MBOAT2: variants seen among roughly 807,000 people sequenced by gnomAD.
MBOAT2 encodes membrane-bound glycerophospholipid O-acyltransferase 2.
A neutral mutation model predicts 63.4 loss-of-function variants in MBOAT2; 28 were observed. The observed-to-expected ratio is 0.44, with a 90% CI of 0.33 to 0.61. MBOAT2 has a LOEUF of 0.61. MBOAT2 is among the 20% of genes least tolerant of loss of function. The pLI, the probability that MBOAT2 is intolerant of heterozygous loss-of-function variation, is 0.03. For synonymous variants in MBOAT2, 211 were observed against 215.6 expected (o/e 0.98, Z 0.19); for missense variants, 470 against 605.8 (o/e 0.78, Z 2.35).
intron 1 of MBOAT2, among the ~76,000 whole-genome samples, chr2:8,963,250 T>C (rs575322079): frequency 6.7e-6 from 1 of 149,064 alleles, no homozygotes; most frequent in Non-Finnish European, 1.5e-5. Context: ...AAAAAAAAAA[T>C]TGAGGCGGGG....
intron 2 of MBOAT2, among the ~76,000 whole-genome samples, chr2:8,945,648 G>A (rs1417072403): frequency 1.3e-5 from 2 of 152,114 alleles, no homozygotes; most frequent in African/African-American, 4.8e-5. Flanking sequence ...GATTCTCTAA[G>A]GAATGCAGCC....
chr2:8,937,448 G>A (rs556485159), intron 3 of MBOAT2, among the ~76,000 whole-genome samples: 6 of 152,302 alleles, frequency 3.9e-5, no homozygotes, highest in Middle Eastern at 3.4e-3. Context: ...CAATGAGGAC[G>A]AAACACACTC....
Position 8,943,215 on chromosome 2 carries a change from T to C in MBOAT2, c.271A>G (p.Ile91Val), listed in dbSNP as rs1668174287. ...TGCATGTTCTCCACTCCTATGATGA[T>C]CATGATACAGTAGGAAATTCCACTT... is the stretch of plus-strand genomic sequence containing the variant. ...VQSGISYCIM[I>V]IIGVENMHNY... is the part of the protein sequence containing the mutation. Residue 91 changes from isoleucine to valine, a missense_variant, in exon 3 of 13, where the codon ATC (isoleucine) becomes GTC (valine). Transcript: ENST00000305997. 3 of 1,586,642 alleles carry C rather than the reference T, an allele frequency of 1.9e-6. No homozygotes were observed. Among genetic ancestry groups the C allele is most frequent in the African/African-American group, 2.7e-5 (2 of 74,576 alleles).
At chr2:8,892,836 G>A (rs998132943) in intron 4 of MBOAT2, among the ~76,000 whole-genome samples, 1 of 152,062 alleles carries the variant, frequency 6.6e-6, no homozygotes, top group African/African-American at 2.4e-5. Flanking sequence ...GCATGTTGGA[G>A]GATCAGTACG....
At chr2:8,940,044 C>T (rs1261244627) in intron 3 of MBOAT2, among the ~76,000 whole-genome samples, 3 of 151,810 alleles carry the variant, frequency 2.0e-5, no homozygotes, top group East Asian at 2.0e-4. Flanking sequence ...TCCAGCTACA[C>T]GTCCTCAGTT....
chr2:8,887,020 G>A (rs1201070710), intron 5 of MBOAT2, among the ~76,000 whole-genome samples: 1 of 152,156 alleles, frequency 6.6e-6, no homozygotes, highest in African/African-American at 2.4e-5. Context: ...AACCCTCCAA[G>A]CTGAATCATA....
chr2:8,955,665 G>C (rs903082000), intron 2 of MBOAT2, among the ~76,000 whole-genome samples: 1 of 152,176 alleles, frequency 6.6e-6, no homozygotes, highest in Non-Finnish European at 1.5e-5. Context: ...AAACTTAGTT[G>C]ATAAAGCAGC....
intron 1 of MBOAT2, among the ~76,000 whole-genome samples, chr2:8,983,848 T>A (rs1323266124): frequency 6.6e-6 from 1 of 152,190 alleles, no homozygotes; most frequent in Non-Finnish European, 1.5e-5. Flanking sequence ...TACTTGGAAC[T>A]TTTCTGTGAA....
At chr2:8,904,850 C>T (rs763141519) in intron 4 of MBOAT2, among the ~76,000 whole-genome samples, 30 of 152,118 alleles carry the variant, frequency 2.0e-4, no homozygotes, top group Non-Finnish European at 4.3e-4. Context: ...TCTCTTGTAT[C>T]TATTTTCTGA....
intron 4 of MBOAT2, 177 bp downstream of exon 4, chr2:8,908,444 A>C (rs900220995): frequency 5.0e-5 from 26 of 523,176 alleles, no homozygotes; most frequent in Non-Finnish European, 7.5e-5. Context: ...TTACTGACTT[A>C]GATAGTACTA....
chr2:8,931,111 G>A (rs559590398), intron 3 of MBOAT2, among the ~76,000 whole-genome samples: 1 of 152,332 alleles, frequency 6.6e-6, no homozygotes, highest in Non-Finnish European at 1.5e-5. Flanking sequence ...TCGCCACACT[G>A]TCTTCCACAA....
At chr2:8,870,715 A>AC (rs950343612) in intron 8 of MBOAT2, among the ~76,000 whole-genome samples, 1 of 152,246 alleles carries the variant, frequency 6.6e-6, no homozygotes, top group Non-Finnish European at 1.5e-5. Flanking sequence ...CAGACATAGT[A>AC]CAAGTATTTA....
chr2:8,907,881 TG>T (rs1378349552), intron 4 of MBOAT2, among the ~76,000 whole-genome samples: 2 of 152,166 alleles, frequency 1.3e-5, no homozygotes, highest in African/African-American at 4.8e-5. Flanking sequence ...TTTCTATTGC[TG>T]AACAATTTTT....
rs7580065 is a variant in MBOAT2, at chr2:8,931,710, T to C, written c.299+11477A>G. Reference sequence around the variant, plus strand: ...CCTAGATTTTCTTCTAGGGTTTCTATAGTTTTGGGTTTTACATTTAAGTCT... The same window carrying C: ...CCTAGATTTTCTTCTAGGGTTTCTACAGTTTTGGGTTTTACATTTAAGTCT... On this transcript the variant is annotated intron_variant, in intron 3 of 12. Transcript: ENST00000305997. 1.5e-3 allele frequency among the ~76,000 whole-genome samples: 224 copies of C among 152,332 alleles called. 1 individual carries two copies. The highest frequency in any genetic ancestry group is 5.2e-3 in the African/African-American group (215 of 41,582).
chr2:8,974,970 C>T (rs541422221), intron 1 of MBOAT2, among the ~76,000 whole-genome samples: 1 of 152,166 alleles, frequency 6.6e-6, no homozygotes, highest in East Asian at 1.9e-4. Flanking sequence ...CACTTAGAGC[C>T]AACTTTAGTA....
intron 4 of MBOAT2, among the ~76,000 whole-genome samples, chr2:8,888,775 C>T (rs898283066): frequency 5.9e-5 from 9 of 152,158 alleles, no homozygotes; most frequent in Non-Finnish European, 1.2e-4. Context: ...TGCCTGTAAT[C>T]TCAGCACTTT....
chr2:8,866,484 T>C (rs1414911238), intron 9 of MBOAT2, among the ~76,000 whole-genome samples: 2 of 152,210 alleles, frequency 1.3e-5, no homozygotes, highest in Non-Finnish European at 2.9e-5. Flanking sequence ...ATTGCCAACA[T>C]TGTTGTTAAG....
intron 3 of MBOAT2, among the ~76,000 whole-genome samples, chr2:8,910,919 T>C (rs1665667640): frequency 6.6e-6 from 1 of 152,276 alleles, no homozygotes; most frequent in East Asian, 1.9e-4. Flanking sequence ...CAATTTCTTA[T>C]GAAAAAGAAC....
chr2:8,925,791 A>T (rs993938586), intron 3 of MBOAT2, among the ~76,000 whole-genome samples: 1 of 152,244 alleles, frequency 6.6e-6, no homozygotes, highest in Non-Finnish European at 1.5e-5. Flanking sequence ...AATATGATGC[A>T]TGTGTGTTTT....
Sources: gnomAD v4.1 joint callset for allele counts (sites outside exome capture counted in the v4.1 genomes callset) on GRCh38, gnomAD v4.1.1 for gene constraint, MANE v1.5 for transcripts, NCBI Gene and HGNC (gene_info 2026-07-23, HGNC 2026-07-21) for gene names.